CLASP2: variants seen among roughly 807,000 people sequenced by gnomAD.
CLASP2 encodes CLIP-associating protein 2.
A neutral mutation model predicts 194.4 loss-of-function variants in CLASP2; 47 were observed. The observed-to-expected ratio is 0.24, with a 90% CI of 0.19 to 0.31. The LOEUF (loss-of-function observed/expected upper bound fraction) is 0.31, where lower values mean the gene tolerates loss of function less well. Ranked by LOEUF, CLASP2 falls within the 10% of genes least tolerant of loss-of-function variation. CLASP2 has a pLI of 1.00. For synonymous variants in CLASP2, 619 were observed against 633.5 expected (o/e 0.98, Z 0.34); for missense variants, 1,445 against 1,823.6 (o/e 0.79, Z 3.78).
intron 12 of CLASP2, among the ~76,000 whole-genome samples, chr3:33,613,715 C>A (rs191770572): frequency 6.6e-6 from 1 of 152,306 alleles, no homozygotes; most frequent in Non-Finnish European, 1.5e-5. Context: ...CTCCCTACAG[C>A]ATTCACAAGA....
chr3:33,643,315 T>TAC (rs1201753152), intron 8 of CLASP2, among the ~76,000 whole-genome samples: 1 of 151,874 alleles, frequency 6.6e-6, no homozygotes, highest in African/African-American at 2.4e-5. Context: ...TATCATAGAT[T>TAC]AGAATTCTGT....
At chr3:33,665,034 G>T (rs1237793066) in intron 6 of CLASP2, among the ~76,000 whole-genome samples, 1 of 151,854 alleles carries the variant, frequency 6.6e-6, no homozygotes, top group East Asian at 1.9e-4. Flanking sequence ...CTGGGAGACA[G>T]AAGTTGCAGT....
chr3:33,669,860 A>G (rs1211523317), intron 6 of CLASP2, among the ~76,000 whole-genome samples: 20 of 152,218 alleles, frequency 1.3e-4, no homozygotes, highest in African/African-American at 2.9e-4. Flanking sequence ...AACTGTCCAT[A>G]TCAACTAAAT....
At chr3:33,554,650 T>C (rs1188025463) in intron 29 of CLASP2, 1 of 152,634 alleles carries the variant, frequency 6.6e-6, no homozygotes, top group Non-Finnish European at 1.5e-5. Context: ...CTCCCGGTGC[T>C]ATGATAAAAC....
At chr3:33,663,603 A>G (rs369601442) in intron 6 of CLASP2, 88 bp from the exon 7 acceptor site, 1 of 902,138 alleles carries the variant, frequency 1.1e-6, no homozygotes. Context: ...TCCCTTAGAA[A>G]AAACAATTGT....
intron 7 of CLASP2, among the ~76,000 whole-genome samples, chr3:33,650,084 A>C (rs2082929779): frequency 6.6e-6 from 1 of 152,248 alleles, no homozygotes; most frequent in African/African-American, 2.4e-5. Flanking sequence ...AAAATCCTAG[A>C]GTTATCAGAC....
At chr3:33,671,041 C>G (rs1319208574) in intron 6 of CLASP2, among the ~76,000 whole-genome samples, 2 of 152,024 alleles carry the variant, frequency 1.3e-5, no homozygotes, top group Non-Finnish European at 2.9e-5. Flanking sequence ...TAGTTTTCCA[C>G]GTGGAGAAAT....
rs2061672663 is a variant in CLASP2, at chr3:33,560,697, C to A, written c.2930+111G>T. 6 of 842,590 alleles carry A rather than the reference C, an allele frequency of 7.1e-6. No homozygotes were observed. In the South Asian group the frequency reaches 9.4e-5, roughly 13 times the overall value. 52.2% of individuals were successfully genotyped at this position (842,590 alleles called of 1,614,324 possible). A position where few individuals can be genotyped will look rare whatever the true frequency, so the allele number is the denominator to read the frequency against. ...ATAATTAACAATCTTCAAACGGAAT[C>A]CATGCAGTCTAAATTGTTCAAAGGG... On this transcript the variant is annotated intron_variant, in intron 28 of 38. Coordinates refer to ENST00000682230, the MANE Select transcript of CLASP2 (RefSeq NM_001365631.1).
chr3:33,576,393 TTAAAAGCAATATTG>T (rs2064897373), intron 23 of CLASP2, 118 bp from the exon 24 acceptor site: 1 of 642,428 alleles, frequency 1.6e-6, no homozygotes. Context: ...GCAAAGCATT[TTAAAAGCAATATTG>T]TATTTTCTGG....
intron 7 of CLASP2, among the ~76,000 whole-genome samples, chr3:33,657,496 C>T (rs892691091): frequency 3.3e-5 from 5 of 150,936 alleles, no homozygotes; most frequent in African/African-American, 1.2e-4. Flanking sequence ...AAAACTATAA[C>T]CATTGAACCT....
chr3:33,716,899 A>T (rs753591448), intron 1 of CLASP2, among the ~76,000 whole-genome samples: 1 of 152,216 alleles, frequency 6.6e-6, no homozygotes, highest in Non-Finnish European at 1.5e-5. Context: ...TCATGAGAAT[A>T]TGTTACTAAG....
At chr3:33,668,180 T>C (rs948758807) in intron 6 of CLASP2, among the ~76,000 whole-genome samples, 2 of 152,120 alleles carry the variant, frequency 1.3e-5, no homozygotes, top group Admixed American at 6.5e-5. Flanking sequence ...GATCGTGCCA[T>C]TGCACTCCGG....
chr3:33,609,798 T>C (rs1355782725), intron 13 of CLASP2, among the ~76,000 whole-genome samples: 1 of 152,210 alleles, frequency 6.6e-6, no homozygotes, highest in Non-Finnish European at 1.5e-5. Flanking sequence ...ACATAGGCAG[T>C]GAATGTCAAC....
At chr3:33,670,177 A>T (rs146545876) in intron 6 of CLASP2, among the ~76,000 whole-genome samples, 7 of 152,312 alleles carry the variant, frequency 4.6e-5, no homozygotes, top group Admixed American at 4.6e-4. Context: ...ACAAAAAAGT[A>T]TATGATTCTA....
At chr3:33,555,623 C>T (rs1202647993) in intron 29 of CLASP2, among the ~76,000 whole-genome samples, 1 of 152,178 alleles carries the variant, frequency 6.6e-6, no homozygotes, top group African/African-American at 2.4e-5. Context: ...CCACCTTGGT[C>T]TCCCAAAGTG....
At position 33,718,211 on chromosome 3, in the gene CLASP2, C is replaced by G. The variant is rs2093382473; in HGVS notation, c.-209G>C. 1 of 322,622 alleles carries G rather than the reference C, an allele frequency of 3.1e-6. No homozygotes were observed. Among genetic ancestry groups the G allele is most frequent in the Admixed American group, 5.2e-5 (1 of 19,298 alleles). 20.0% of individuals were successfully genotyped at this position (322,622 alleles called of 1,614,324 possible). A position where few individuals can be genotyped will look rare whatever the true frequency, so the allele number is the denominator to read the frequency against. On this transcript the variant is annotated 5_prime_UTR_variant, in exon 1 of 39. Transcript: ENST00000682230. Reference sequence around the variant, plus strand: ...AAACTCGGCGCCCCCCGATCCCCAGCCCGCTTCAGAGGCCGCGGCCGCGGG... The same window carrying G: ...AAACTCGGCGCCCCCCGATCCCCAGGCCGCTTCAGAGGCCGCGGCCGCGGG...
At chr3:33,611,599 T>A (rs1365861792) in intron 13 of CLASP2, among the ~76,000 whole-genome samples, 1 of 152,138 alleles carries the variant, frequency 6.6e-6, no homozygotes, top group Non-Finnish European at 1.5e-5. Flanking sequence ...TCTCATTTAA[T>A]CCTTATGTTC....
intron 26 of CLASP2, among the ~76,000 whole-genome samples, chr3:33,569,469 CTGTCTTGTCCTT>C (rs933459999): frequency 6.6e-6 from 1 of 152,166 alleles, no homozygotes; most frequent in African/African-American, 2.4e-5. Flanking sequence ...ACCCAAATAA[CTGTCTTGTCCTT>C]TGGCTTATAT....
At chr3:33,708,546 A>ATATATATATG (rs1559703950) in intron 1 of CLASP2, among the ~76,000 whole-genome samples, 3 of 2,880 alleles carry the variant, frequency 1.0e-3, no homozygotes, top group African/African-American at 1.3e-3. Flanking sequence ...GTATATATGT[A>ATATATATATG]TATATATATA....
Sources: allele counts gnomAD v4.1 joint callset (sites outside exome capture counted in the v4.1 genomes callset), GRCh38; gene constraint gnomAD v4.1.1; transcripts MANE v1.5; gene names NCBI Gene and HGNC (gene_info 2026-07-23, HGNC 2026-07-21).